The following TAGAP variants were observed in gnomAD, a reference collection of about 807,000 sequenced individuals.
The protein encoded by TAGAP is T cell activation RhoGTPase activating protein, also known as T-cell activation Rho GTPase-activating protein.
A neutral mutation model predicts 36.0 loss-of-function variants in TAGAP; 16 were observed. The ratio of observed to expected loss-of-function variants is 0.44; its 90% CI spans 0.30 to 0.68. TAGAP has a LOEUF of 0.68. TAGAP is among the 30% of genes least tolerant of loss of function. TAGAP has a pLI of 0.09. For missense variants in TAGAP, 794 were observed against 921.5 expected, an observed-to-expected ratio of 0.86 and a Z score of 1.79; for synonymous variants, 372 against 377.4, an observed-to-expected ratio of 0.99 and a Z score of 0.17.
chr6:159,038,265 CTTTTTTTTTTTTT>C (rs559846736), intron 8 of TAGAP, 37 bp from the exon 9 acceptor site: 4 of 459,840 alleles, frequency 8.7e-6, no homozygotes, highest in Admixed American at 3.6e-5. Context: ...AGCTTGAAGA[CTTTTTTTTTTTTT>C]TTTTTTTTTT....
intron 7 of TAGAP, among the ~76,000 whole-genome samples, chr6:159,039,936 A>G (rs1779688960): frequency 6.6e-6 from 1 of 152,264 alleles, no homozygotes; most frequent in Non-Finnish European, 1.5e-5. Context: ...AGGAATTGTT[A>G]TAAAAATGCC....
Position 159,041,359 on chromosome 6 carries a change from A to G in TAGAP, c.472T>C (p.Phe158Leu), listed in dbSNP as rs199576594. ...CGCAAGTGTGTTGAACTCACCTTAA[A>G]GACCACAGCGAGGAGGTGCACGGGG... ...RLPVHLLAVVFKDFLRSIPRK... is the reference protein window; with the variant it reads ...RLPVHLLAVVLKDFLRSIPRK... Residue 158 changes from phenylalanine (F) to leucine (L), a missense_variant, in exon 6 of 10, where the codon TTT (phenylalanine) becomes CTT (leucine). Coordinates refer to ENST00000367066, the MANE Select transcript of TAGAP (RefSeq NM_054114.5). This position sits in a 1 kb window ranked among gnomAD's most constrained non-coding sequence, Gnocchi z 4.1. 6.2e-7 allele frequency: 1 copy of G among 1,613,606 alleles called. No homozygotes were observed. Among genetic ancestry groups the G allele is most frequent in the Non-Finnish European group, 8.5e-7 (1 of 1,179,916 alleles).
Position 159,035,932 on chromosome 6 carries a change from G to A in TAGAP, c.2091C>T (p.Val697=), listed in dbSNP as rs1583766996. Residue 697 remains valine, a synonymous_variant, in exon 10 of 10, where the codon GTC becomes GTT. Coordinates refer to ENST00000367066, the MANE Select transcript of TAGAP (RefSeq NM_054114.5). ...GRPELLPLRT[V]SESVQRNKRD... Reference sequence around the variant, plus strand: ...GCTTATTCCTCTGCACGGACTCGGAGACGGTCCTCAGCGGGAGGAGCTCAG... The same window carrying A: ...GCTTATTCCTCTGCACGGACTCGGAAACGGTCCTCAGCGGGAGGAGCTCAG... 6.2e-7 allele frequency: 1 copy of A among 1,614,214 alleles called. No homozygotes were observed. Among genetic ancestry groups the A allele is most frequent in the Non-Finnish European group, 8.5e-7 (1 of 1,180,028 alleles).
At position 159,042,326 on chromosome 6, in the gene TAGAP, G is replaced by C. The variant is rs551043635; in HGVS notation, c.149-82C>G. The C allele has an allele frequency of 2.0e-6, 3 of 1,537,702 alleles. No individual in the cohort carries two copies. In the East Asian group the frequency reaches 6.8e-5, roughly 35 times the overall value. On this transcript the variant is annotated intron_variant, in intron 4 of 9. Coordinates refer to ENST00000367066, the MANE Select transcript of TAGAP (RefSeq NM_054114.5). ...AGATCCAGGTAAGAAAATGGGTATC[G>C]TTGGCCGCATAATGTGGTCAATAGT...
Position 159,036,227 on chromosome 6 carries a change from G to A in TAGAP, c.1796C>T (p.Ala599Val). 4.3e-6 allele frequency: 7 copies of A among 1,611,624 alleles called. No individual in the cohort carries two copies. The highest frequency in any genetic ancestry group is 5.9e-6 in the Non-Finnish European group (7 of 1,179,634). The change falls in exon 10 of 10, where the codon GCC becomes GTC. Residue 599 changes from alanine to valine, a missense_variant. Transcript: ENST00000367066. The surrounding 1 kb of genome is among the most constrained non-coding windows in gnomAD (Gnocchi z 4.9). Reference protein sequence around the residue: ...RPGSPPSYEEAMQGPAARLVA... With the variant: ...RPGSPPSYEEVMQGPAARLVA... ...TAGTCTGGCTGCCGGGCCCTGCATG[G>A]CCTCTTCATAAGAGGGTGGGCTTCC...
At position 159,037,694 on chromosome 6, in the gene TAGAP, AAGAG is replaced by A. The variant is rs771845418; in HGVS notation, c.898+416_898+419del. On this transcript the variant is annotated intron_variant, in intron 9 of 9. Coordinates refer to ENST00000367066, the MANE Select transcript of TAGAP (RefSeq NM_054114.5). This position sits in a 1 kb window ranked among gnomAD's most constrained non-coding sequence, Gnocchi z 5.1. ...GAGTAAAGGAGGGAGGAAGGAGAGAAAGAGAGGAGAGAATAAGAAAAGAGAGAAC... is the reference window on the plus strand; with the variant it reads ...GAGTAAAGGAGGGAGGAAGGAGAGAAAGGAGAGAATAAGAAAAGAGAGAAC... Among the ~76,000 whole-genome samples the A allele has an allele frequency of 6.6e-6, 1 of 152,206 alleles. No individual in the cohort carries two copies. Among genetic ancestry groups the A allele is most frequent in the Non-Finnish European group, 1.5e-5 (1 of 68,028 alleles).
At position 159,037,005 on chromosome 6, in the gene TAGAP, C is replaced by T; in HGVS notation, c.1018G>A (p.Ala340Thr). The change falls in exon 10 of 10, where the codon GCT becomes ACT. Residue 340 changes from alanine to threonine, a missense_variant. Ala to Thr is a moderately conservative substitution (Grantham distance 58). Coordinates refer to ENST00000367066, the MANE Select transcript of TAGAP (RefSeq NM_054114.5). The surrounding 1 kb of genome is among the most constrained non-coding windows in gnomAD (Gnocchi z 5.1). The stretch of plus-strand genomic sequence containing the variant: ...TGTGGGCCCGCGCTATCCAAGCCAG[C>T]AGCTGTGGCCATGGGCACCTGGGGC... ...RQPQVPMATA[A>T]GLDSAGPQDA... 1 of 1,613,782 alleles carries T rather than the reference C, an allele frequency of 6.2e-7. No individual in the cohort carries two copies.
In TAGAP at chr6:159,036,033, G is replaced by T; in HGVS notation, c.1990C>A (p.Pro664Thr). 1 of 1,611,744 alleles carries T rather than the reference G, an allele frequency of 6.2e-7. No homozygotes were observed. The highest frequency in any genetic ancestry group is 8.5e-7 in the Non-Finnish European group (1 of 1,178,048). The change falls in exon 10 of 10, where the codon CCT becomes ACT. Residue 664 changes from proline to threonine, a missense_variant. By Grantham distance (38) the Pro-to-Thr change is conservative. Coordinates refer to ENST00000367066, the MANE Select transcript of TAGAP (RefSeq NM_054114.5). This position sits in a 1 kb window ranked among gnomAD's most constrained non-coding sequence, Gnocchi z 4.9. ...GTTCTGCTCTGTTTCCATCGCTCAG[G>T]CAGGGGAGAGAGTCCGTGGCCAGGG... ...PLPGHGLSPL[P>T]ERWKQSRTVH... is the part of the protein sequence containing the mutation.
At chr6:159,042,406 T>G in intron 4 of TAGAP, 162 bp from the exon 5 acceptor site, 1 of 1,406,814 alleles carries the variant, frequency 7.1e-7, no homozygotes, top group Non-Finnish European at 9.2e-7. Context: ...GGCGTGAATC[T>G]TAATCTAGAA....
rs142920707 is a variant in TAGAP, at chr6:159,036,212, G to A, written c.1811C>T (p.Ala604Val). 5.5e-4 allele frequency: 878 copies of A among 1,610,662 alleles called. 8 individuals are homozygous for A. In the East Asian group the frequency reaches 0.016, roughly 29 times the overall value. The change falls in exon 10 of 10, where the codon GCA (alanine) becomes GTA (valine). Residue 604 changes from alanine to valine, a missense_variant. Ala to Val is a moderately conservative substitution (Grantham distance 64). Coordinates refer to ENST00000367066, the MANE Select transcript of TAGAP (RefSeq NM_054114.5). This position sits in a 1 kb window ranked among gnomAD's most constrained non-coding sequence, Gnocchi z 4.9. ...PSYEEAMQGP[A>V]ARLVASESQT... Reference sequence around the variant, plus strand: ...GCTCTCGGAGGCCACTAGTCTGGCTGCCGGGCCCTGCATGGCCTCTTCATA... The same window carrying A: ...GCTCTCGGAGGCCACTAGTCTGGCTACCGGGCCCTGCATGGCCTCTTCATA...
At position 159,042,141 on chromosome 6, in the gene TAGAP, C is replaced by T. The variant is rs763697681; in HGVS notation, c.252G>A (p.Ser84=). ...TAATTGACAAGGGCTGATCAAATAG[C>T]GATGCTTTCAAGTCTGTCTCCAAAG... ...SGALETDLKA[S]LFDQPLSIIC... The change falls in exon 5 of 10, where the codon TCG becomes TCA. Residue 84 remains serine, a synonymous_variant. Coordinates refer to ENST00000367066, the MANE Select transcript of TAGAP (RefSeq NM_054114.5). The T allele has an allele frequency of 6.8e-6, 11 of 1,614,124 alleles. No homozygotes were observed. Among genetic ancestry groups the T allele is most frequent in the Admixed American group, 1.7e-5 (1 of 60,028 alleles).
chr6:159,043,708 T>C (rs1354638031), intron 3 of TAGAP, 53 bp from the exon 4 acceptor site: 1 of 1,543,148 alleles, frequency 6.5e-7, no homozygotes, highest in Non-Finnish European at 9.0e-7. Flanking sequence ...ACCTATCGAG[T>C]CTTTCCCCAC....
intron 8 of TAGAP, 200 bp downstream of exon 8, chr6:159,038,914 A>G: frequency 7.0e-7 from 1 of 1,425,084 alleles, no homozygotes; most frequent in Non-Finnish European, 9.2e-7. Flanking sequence ...CTCACAGATG[A>G]CAGAAGACAC....
In TAGAP at chr6:159,036,190, C is replaced by T; in HGVS notation, c.1833G>A (p.Glu611=). Residue 611 remains glutamate, a synonymous_variant, in exon 10 of 10, where the codon GAG becomes GAA. Transcript: ENST00000367066. The surrounding 1 kb of genome is among the most constrained non-coding windows in gnomAD (Gnocchi z 4.9). The stretch of plus-strand genomic sequence containing the variant: ...CCGTCATGCTCCCCACGGTCTGGCT[C>T]TCGGAGGCCACTAGTCTGGCTGCCG... ...QGPAARLVAS[E]SQTVGSMTVG... 1 of 1,611,426 alleles carries T rather than the reference C, an allele frequency of 6.2e-7. No homozygotes were observed. The highest frequency in any genetic ancestry group is 8.5e-7 in the Non-Finnish European group (1 of 1,178,968).
At position 159,037,241 on chromosome 6, in the gene TAGAP, G is replaced by T; in HGVS notation, c.899-117C>A. On this transcript the variant is annotated intron_variant, in intron 9 of 9. Transcript: ENST00000367066. The surrounding 1 kb of genome is among the most constrained non-coding windows in gnomAD (Gnocchi z 5.1). Reference sequence around the variant, plus strand: ...GAGTCTCGGTTTGTTGCCCAGGCTGGAGTGCAGTGATGTGATCTCGGCTCA... The same window carrying T: ...GAGTCTCGGTTTGTTGCCCAGGCTGTAGTGCAGTGATGTGATCTCGGCTCA... 1.1e-6 allele frequency: 1 copy of T among 923,110 alleles called. No individual in the cohort carries two copies. The highest frequency in any genetic ancestry group is 1.5e-6 in the Non-Finnish European group (1 of 662,328). The allele number at this position is 923,110 out of a possible 1,614,324, so 57.2% of individuals were successfully genotyped here. A position where few individuals can be genotyped will look rare whatever the true frequency, so the allele number is the denominator to read the frequency against.
In TAGAP at chr6:159,042,095, G is replaced by A. The variant is rs748659041; in HGVS notation, c.298C>T (p.Leu100Phe). 24 of 1,614,180 alleles carry A rather than the reference G, an allele frequency of 1.5e-5. No individual in the cohort carries two copies. In the Middle Eastern group the frequency reaches 6.6e-4, roughly 44 times the overall value. The change falls in exon 5 of 10, where the codon CTC (leucine) becomes TTC (phenylalanine). Residue 100 changes from leucine (L) to phenylalanine (F), a missense_variant. Coordinates refer to ENST00000367066, the MANE Select transcript of TAGAP (RefSeq NM_054114.5). ...LSIICGDSDT[L>F]PRPIQDILTI... is the part of the protein sequence containing the mutation. ...ACGCCTACCTGGATGGGTCTGGGGA[G>A]TGTGTCACTGTCACCGCAGATAATT...
rs368685809 is a variant in TAGAP at position 159,035,827 on chromosome 6, C to T, written c.2196G>A (p.Ter732=). ...TATGGCATGGCGTATGGCCTCCCTC[C>T]TAAATATACGATTCTTTGGCATATT... ...QFQYAKESYI[*] is the part of the protein sequence containing the mutation. Residue 732 remains the stop codon, a stop_retained_variant, in exon 10 of 10, where the codon TAG becomes TAA. Transcript: ENST00000367066. 4.4e-6 allele frequency: 7 copies of T among 1,591,394 alleles called. No individual in the cohort carries two copies. The African/African-American group carries it at 8.0e-5, about 18-fold the overall frequency.
In TAGAP at chr6:159,034,874, A is replaced by G. The variant is rs1779476639; in HGVS notation, c.*953T>C. On this transcript the variant is annotated 3_prime_UTR_variant, in exon 10 of 10. Transcript: ENST00000367066. ...AGATCCCCGGTCTTGCTATTAGTCT[A>G]GAATAGTGAATATATATTTAATAAA... 1 of 152,304 alleles carries G rather than the reference A, an allele frequency of 6.6e-6. No individual in the cohort carries two copies. The highest frequency in any genetic ancestry group is 1.5e-5 in the Non-Finnish European group (1 of 68,028). The allele number at this position is 152,304 out of a possible 1,614,324, so 9.4% of individuals were successfully genotyped here.
rs1317140269 is a variant in TAGAP at position 159,044,943 on chromosome 6, C to G, written c.-123G>C. On this transcript the variant is annotated 5_prime_UTR_variant, in exon 1 of 10. An upstream start codon of the reference 5' UTR is lost. Transcript: ENST00000367066. Reference sequence around the variant, plus strand: ...GAGCTGTAAAGAATGGGAGAAACAGCATAACTCTCTGCTCCTTCTAGTCCA... The same window carrying G: ...GAGCTGTAAAGAATGGGAGAAACAGGATAACTCTCTGCTCCTTCTAGTCCA... The G allele has an allele frequency of 2.5e-6, 1 of 398,512 alleles. No individual in the cohort carries two copies. Among genetic ancestry groups the G allele is most frequent in the Non-Finnish European group, 4.4e-6 (1 of 226,082 alleles). 24.7% of individuals were successfully genotyped at this position (398,512 alleles called of 1,614,324 possible). A position where few individuals can be genotyped will look rare whatever the true frequency, so the allele number is the denominator to read the frequency against.
Sources: gnomAD v4.1 joint callset for allele counts (sites outside exome capture counted in the v4.1 genomes callset) on GRCh38, gnomAD v4.1.1 for gene constraint, Gnocchi (gnomAD v3.1) non-coding constraint, MANE v1.5 for transcripts, NCBI Gene and HGNC (gene_info 2026-07-23, HGNC 2026-07-21) for gene names.